The following FGGY variants were observed in gnomAD, a reference collection of about 807,000 sequenced individuals.
The protein encoded by FGGY is FGGY carbohydrate kinase domain-containing protein.
A neutral mutation model predicts 71.3 loss-of-function variants in FGGY; 72 were observed. That is an observed-to-expected ratio of 1.01 (90% CI 0.84 to 1.23). FGGY has a LOEUF of 1.23. Among genes scored for constraint, FGGY ranks in the 50% most tolerant of loss-of-function variants. The pLI, the probability that FGGY is intolerant of heterozygous loss-of-function variation, is 0.00. For synonymous variants in FGGY, 251 were observed against 250.3 expected, an observed-to-expected ratio of 1.00 and a Z score of -0.02; for missense variants, 668 against 682.3, an observed-to-expected ratio of 0.98 and a Z score of 0.23.
At chr1:59,667,168 G>A in intron 12 of FGGY, 115 bp from the exon 13 acceptor site, 5 of 1,275,472 alleles carry the variant, frequency 3.9e-6, no homozygotes, top group Non-Finnish European at 5.6e-6. Flanking sequence ...AGCTTTCTGA[G>A]ATAGTGTATG....
rs568536034 is a variant in FGGY at position 59,490,151 on chromosome 1, A to C, written c.671-22160A>C. 1.1e-4 allele frequency among the ~76,000 whole-genome samples: 17 copies of C among 152,266 alleles called. No individual in the cohort carries two copies. The East Asian group carries it at 3.3e-3, about 29-fold the overall frequency. On this transcript the variant is annotated intron_variant, in intron 6 of 15. Coordinates refer to ENST00000303721, the MANE Select transcript of FGGY (RefSeq NM_018291.5). The stretch of plus-strand genomic sequence containing the variant: ...CTGCAGCCTTGAACTCCTGGGCTCA[A>C]GTGATCTTCCCACCTCAGCTTCCCA...
At chr1:59,589,453 G>A (rs1347481386) in intron 8 of FGGY, among the ~76,000 whole-genome samples, 5 of 152,092 alleles carry the variant, frequency 3.3e-5, no homozygotes, top group Non-Finnish European at 7.4e-5. Flanking sequence ...GACATCTACA[G>A]AACTCTCCAC....
Position 59,762,450 on chromosome 1 carries a change from C to A in FGGY, c.1575-53C>A. On this transcript the variant is annotated intron_variant, in intron 15 of 15. Transcript: ENST00000303721. ...CATTCTTCTAAATGTACAGGGAAGC[C>A]CTGTGGCAGTTTTGTCTTGAGATCA... 2.9e-6 allele frequency: 4 copies of A among 1,374,676 alleles called. No homozygotes were observed. In the South Asian group the frequency reaches 4.9e-5, roughly 17 times the overall value. The allele number at this position is 1,374,676 out of a possible 1,614,324, so 85.2% of individuals were successfully genotyped here. A position where few individuals can be genotyped will look rare whatever the true frequency, so the allele number is the denominator to read the frequency against.
chr1:59,454,434 T>TA (rs752205263), intron 5 of FGGY, among the ~76,000 whole-genome samples: 54 of 152,312 alleles, frequency 3.5e-4, no homozygotes, highest in Non-Finnish European at 6.3e-4. Context: ...GTATGTTGCT[T>TA]AAAAAACCGT....
At chr1:59,563,374 G>T (rs569690219) in intron 8 of FGGY, among the ~76,000 whole-genome samples, 2 of 152,218 alleles carry the variant, frequency 1.3e-5, no homozygotes, top group South Asian at 2.1e-4. Flanking sequence ...TTTGTCATTG[G>T]TTCTGTTTAT....
intron 14 of FGGY, among the ~76,000 whole-genome samples, chr1:59,731,322 A>G (rs1382093294): frequency 6.6e-6 from 1 of 152,208 alleles, no homozygotes; most frequent in Non-Finnish European, 1.5e-5. Flanking sequence ...CCAGTGAGGC[A>G]GACTTTCCCG....
intron 8 of FGGY, among the ~76,000 whole-genome samples, chr1:59,580,956 A>G (rs2096182654): frequency 6.6e-6 from 1 of 152,194 alleles, no homozygotes; most frequent in African/African-American, 2.4e-5. Context: ...TGCACCTGAC[A>G]GTTTGTATTA....
intron 11 of FGGY, among the ~76,000 whole-genome samples, chr1:59,642,365 G>A (rs1020723904): frequency 7.2e-5 from 11 of 152,044 alleles, no homozygotes; most frequent in African/African-American, 1.7e-4. Context: ...GGTGGCTCAC[G>A]CCTGTAATCC....
At chr1:59,479,723 G>A (rs1264266943) in intron 6 of FGGY, among the ~76,000 whole-genome samples, 1 of 152,086 alleles carries the variant, frequency 6.6e-6, no homozygotes, top group East Asian at 1.9e-4. Flanking sequence ...CAGAGGATCG[G>A]GGAAAAGATG....
In FGGY at chr1:59,610,724, C is replaced by T. The variant is rs372311286; in HGVS notation, c.1011+2814C>T. 2.6e-5 allele frequency among the ~76,000 whole-genome samples: 4 copies of T among 152,306 alleles called. No homozygotes were observed. In the East Asian group the frequency reaches 5.8e-4, roughly 22 times the overall value. On this transcript the variant is annotated intron_variant, in intron 9 of 15. Transcript: ENST00000303721. ...CGAAGCAGGGCGAGGCATCGCCTCACCCGGGAAGCACAAGGGGTCCAGGAA... is the reference window on the plus strand; with the variant it reads ...CGAAGCAGGGCGAGGCATCGCCTCATCCGGGAAGCACAAGGGGTCCAGGAA...
intron 2 of FGGY, among the ~76,000 whole-genome samples, chr1:59,323,060 G>A (rs1461349001): frequency 6.6e-6 from 1 of 152,060 alleles, no homozygotes; most frequent in Non-Finnish European, 1.5e-5. Flanking sequence ...CATTATACAG[G>A]AATAAAAGAG....
chr1:59,630,298 A>G (rs1339175190), intron 10 of FGGY, among the ~76,000 whole-genome samples: 1 of 152,112 alleles, frequency 6.6e-6, no homozygotes, highest in Non-Finnish European at 1.5e-5. Flanking sequence ...CATATCAACT[A>G]CTACTATTAC....
intron 14 of FGGY, among the ~76,000 whole-genome samples, chr1:59,701,861 A>G (rs1475163212): frequency 3.9e-5 from 6 of 152,180 alleles, no homozygotes; most frequent in African/African-American, 7.2e-5. Context: ...GAATGAGTAC[A>G]TGAATGTATA....
chr1:59,580,786 CA>C (rs375752256), intron 8 of FGGY, among the ~76,000 whole-genome samples: 1 of 152,022 alleles, frequency 6.6e-6, no homozygotes, highest in South Asian at 2.1e-4. Flanking sequence ...CTCTTCATCA[CA>C]AAAAAAGTCC....
chr1:59,457,261 A>G (rs567996458), intron 6 of FGGY, among the ~76,000 whole-genome samples, 185 bp downstream of exon 6: 30 of 152,216 alleles, frequency 2.0e-4, no homozygotes, highest in Admixed American at 1.0e-3. Flanking sequence ...TCTTGCCTTA[A>G]GATTTATATG....
intron 4 of FGGY, among the ~76,000 whole-genome samples, chr1:59,359,643 G>A (rs1321635525): frequency 1.3e-5 from 2 of 152,240 alleles, no homozygotes; most frequent in African/African-American, 2.4e-5. Context: ...ATCCAGAATG[G>A]CCACTCTGGA....
intron 12 of FGGY, among the ~76,000 whole-genome samples, chr1:59,661,256 A>T (rs1410179696): frequency 1.3e-5 from 2 of 152,232 alleles, no homozygotes; most frequent in African/African-American, 4.8e-5. Context: ...CACACCACCA[A>T]CAGAAGTGCT....
At chr1:59,414,260 A>G (rs993735398) in intron 5 of FGGY, among the ~76,000 whole-genome samples, 2 of 152,142 alleles carry the variant, frequency 1.3e-5, no homozygotes, top group African/African-American at 4.8e-5. Flanking sequence ...GGAAAGGTTG[A>G]TTTGTGGTGA....
chr1:59,539,214 T>C (rs1271992148), intron 7 of FGGY, among the ~76,000 whole-genome samples: 1 of 152,280 alleles, frequency 6.6e-6, no homozygotes, highest in East Asian at 1.9e-4. Flanking sequence ...TTCTATAGAT[T>C]CAGTGTACTT....
Sources: allele counts gnomAD v4.1 joint callset (sites outside exome capture counted in the v4.1 genomes callset), GRCh38; gene constraint gnomAD v4.1.1; transcripts MANE v1.5; gene names NCBI Gene and HGNC (gene_info 2026-07-23, HGNC 2026-07-21).